The following DEPDC4 variants were observed in gnomAD, a reference collection of about 807,000 sequenced individuals.
DEPDC4 encodes DEP domain containing 4.
Under a neutral mutation model 52.0 loss-of-function variants are expected in DEPDC4, and 52 were observed. The observed-to-expected ratio is 1.00, with a 90% CI of 0.80 to 1.26. DEPDC4 has a LOEUF of 1.26. Ranked by LOEUF, DEPDC4 falls within the 50% of genes most tolerant of loss-of-function variation. The probability of loss-of-function intolerance (pLI) is 0.00; values close to 1 mark genes in which losing one functional copy is unlikely to be tolerated. For synonymous variants in DEPDC4, 201 were observed against 196.8 expected (o/e 1.02, Z -0.18); for missense variants, 530 against 546.9 (o/e 0.97, Z 0.31).
In DEPDC4 at chr12:100,253,703, C is replaced by A. The variant is rs1360924616; in HGVS notation, c.891G>T (p.Trp297Cys). The change falls in exon 5 of 10, where the codon TGG (tryptophan) becomes TGT (cysteine). Residue 297 changes from tryptophan (W) to cysteine (C), a missense_variant. Transcript: ENST00000550587. The stretch of plus-strand genomic sequence containing the variant: ...CCAAGCATTCAATTGCTGCATTAAG[C>A]CAGTTATCGATTCTAGAGGGAAAAT... ...PSLCLPEIDN[W>C]LNAAIECLEY... 7.8e-7 allele frequency: 1 copy of A among 1,288,106 alleles called. No homozygotes were observed. Among genetic ancestry groups the A allele is most frequent in the African/African-American group, 1.5e-5 (1 of 65,804 alleles). 79.8% of individuals were successfully genotyped at this position (1,288,106 alleles called of 1,614,324 possible). A position where few individuals can be genotyped will look rare whatever the true frequency, so the allele number is the denominator to read the frequency against.
chr12:100,248,217 A>C (rs982881374), intron 8 of DEPDC4, among the ~76,000 whole-genome samples: 6 of 152,228 alleles, frequency 3.9e-5, no homozygotes, highest in Admixed American at 3.3e-4. Context: ...TAATAGCATA[A>C]ATATTAAATA....
the DEPDC4 span, among the ~76,000 whole-genome samples, chr12:100,276,007 C>A: frequency 6.6e-6 from 1 of 151,978 alleles, no homozygotes; most frequent in African/African-American, 2.4e-5. Context: ...ACATTGCATT[C>A]CTGAAGTGAA....
At chr12:100,251,491 T>C (rs895633083) in intron 7 of DEPDC4, among the ~76,000 whole-genome samples, 1 of 151,868 alleles carries the variant, frequency 6.6e-6, no homozygotes, top group Non-Finnish European at 1.5e-5. Context: ...TACTGCAGCC[T>C]CAATCTCATG....
intron 3 of DEPDC4, among the ~76,000 whole-genome samples, chr12:100,259,088 A>G (rs1170779130): frequency 2.0e-5 from 3 of 151,098 alleles, no homozygotes; most frequent in Non-Finnish European, 4.4e-5. Flanking sequence ...AAAAATATAT[A>G]TATATATCCC....
rs1289506867 is a variant in DEPDC4 at position 100,262,301 on chromosome 12, G to C, written c.663C>G (p.Ile221Met). The C allele has an allele frequency of 7.4e-6, 12 of 1,611,582 alleles. No individual in the cohort carries two copies. Among genetic ancestry groups the C allele is most frequent in the Non-Finnish European group, 1.0e-5 (12 of 1,179,490 alleles). Residue 221 changes from isoleucine (I) to methionine (M), a missense_variant, in exon 3 of 10, where the codon ATC becomes ATG. Coordinates refer to ENST00000550587, the MANE Select transcript of DEPDC4 (RefSeq NM_001364818.2). ...GCCGGAGAAAAGGTTTCTGAACTGT[G>C]ATATTTGGACATAAAGCTGGATTCC... ...INGNPALCPN[I>M]TVQKPFLRLS... is the part of the protein sequence containing the mutation.
At chr12:100,237,978 C>A (rs1489242036), downstream of DEPDC4, 1 of 659,998 alleles carries the variant, frequency 1.5e-6, no homozygotes, top group Admixed American at 6.3e-5. Flanking sequence ...CTGATTCACA[C>A]TGAACATTAA....
In DEPDC4 at chr12:100,240,881, T is replaced by C. The variant is rs763948396; in HGVS notation, c.*1011A>G. Reference sequence around the variant, plus strand: ...TAGCCTGGCCAACATGGCGAAACACTGTCTCTACTAAAACTACAAAAATTA... The same window carrying C: ...TAGCCTGGCCAACATGGCGAAACACCGTCTCTACTAAAACTACAAAAATTA... On this transcript the variant is annotated 3_prime_UTR_variant, in exon 10 of 10. Coordinates refer to ENST00000550587, the MANE Select transcript of DEPDC4 (RefSeq NM_001364818.2). Among the ~76,000 whole-genome samples the C allele has an allele frequency of 6.6e-6, 1 of 152,052 alleles. No homozygotes were observed. Among genetic ancestry groups the C allele is most frequent in the Non-Finnish European group, 1.5e-5 (1 of 68,016 alleles).
At chr12:100,276,770 C>G in the DEPDC4 span, among the ~76,000 whole-genome samples, 2 of 151,830 alleles carry the variant, frequency 1.3e-5, no homozygotes, top group African/African-American at 4.8e-5. Context: ...TAAATTCAGT[C>G]TCTTTCATTG....
In DEPDC4 at chr12:100,254,325, T is replaced by C. The variant is rs1420811725; in HGVS notation, c.879-610A>G. ...GTATGTCCCTTTTTTTTGACTTTTT[T>C]TTTTTTTTTTTTTTTTTTGAGGCAG... is the stretch of plus-strand genomic sequence containing the variant. On this transcript the variant is annotated intron_variant, in intron 4 of 9. Transcript: ENST00000550587. Among the ~76,000 whole-genome samples the C allele has an allele frequency of 2.1e-5, 3 of 143,762 alleles. 1 individual carries two copies. Among genetic ancestry groups the C allele is most frequent in the Non-Finnish European group, 4.6e-5 (3 of 65,714 alleles). 94.3% of individuals were successfully genotyped at this position (143,762 alleles called of 152,430 possible).
chr12:100,237,715 A>AT (rs1160432192), downstream of DEPDC4: 2 of 152,060 alleles, frequency 1.3e-5, no homozygotes, highest in African/African-American at 4.8e-5. Flanking sequence ...ATCTTAAAAA[A>AT]TTTTTTTTAA....
the DEPDC4 span, among the ~76,000 whole-genome samples, chr12:100,279,119 T>C: frequency 6.6e-6 from 1 of 152,210 alleles, no homozygotes; most frequent in Non-Finnish European, 1.5e-5. Context: ...CCAACCTTTT[T>C]GGCACCAGGG....
In DEPDC4 at chr12:100,254,319, CTTTTTTTTTTTT is replaced by C. The variant is rs67921438; in HGVS notation, c.879-616_879-605del. 3.4e-5 allele frequency among the ~76,000 whole-genome samples: 3 copies of C among 89,436 alleles called. No individual in the cohort carries two copies. In the South Asian group the frequency reaches 1.1e-3, roughly 31 times the overall value. 58.7% of individuals were successfully genotyped at this position (89,436 alleles called of 152,430 possible). A position where few individuals can be genotyped will look rare whatever the true frequency, so the allele number is the denominator to read the frequency against. On this transcript the variant is annotated intron_variant, in intron 4 of 9. Coordinates refer to ENST00000550587, the MANE Select transcript of DEPDC4 (RefSeq NM_001364818.2). ...TTAATGGTATGTCCCTTTTTTTTGA[CTTTTTTTTTTTT>C]TTTTTTTTTTTTGAGGCAGCATCTT...
Position 100,256,193 on chromosome 12 carries a change from A to G in DEPDC4, c.734T>C (p.Leu245Pro), listed in dbSNP as rs759306683. The G allele has an allele frequency of 6.2e-7, 1 of 1,612,870 alleles. No homozygotes were observed. Among genetic ancestry groups the G allele is most frequent in the Non-Finnish European group, 8.5e-7 (1 of 1,179,206 alleles). ...VWKEQTLLCL[L>P]QLIHLPFLDN... ...CAAGAATGGAAGGTGAATCAATTGA[A>G]GAAGACATAATAATGTTTGTTCTTT... Residue 245 changes from leucine to proline, a missense_variant, in exon 4 of 10, where the codon CTT becomes CCT. Physicochemically the swap from Leu to Pro is moderately conservative, Grantham distance 98 (BLOSUM62 -3). Transcript: ENST00000550587.
At chr12:100,262,940 G>T (rs532788091) in intron 2 of DEPDC4, among the ~76,000 whole-genome samples, 1 of 152,172 alleles carries the variant, frequency 6.6e-6, no homozygotes, top group Non-Finnish European at 1.5e-5. Flanking sequence ...AAACTACTGA[G>T]ATATAATTCA....
intron 5 of DEPDC4, among the ~76,000 whole-genome samples, chr12:100,252,744 G>A (rs1362021315): frequency 6.6e-6 from 1 of 152,136 alleles, no homozygotes; most frequent in Non-Finnish European, 1.5e-5. Context: ...GCTATATCCA[G>A]CATTATCAAA....
chr12:100,274,595 A>T, the DEPDC4 span, among the ~76,000 whole-genome samples: 2 of 152,202 alleles, frequency 1.3e-5, no homozygotes, highest in African/African-American at 4.8e-5. Context: ...TTCTCATAGA[A>T]TTAAATCTAC....
chr12:100,260,905 C>T (rs900001165), intron 3 of DEPDC4, among the ~76,000 whole-genome samples: 3 of 138,610 alleles, frequency 2.2e-5, no homozygotes, highest in Non-Finnish European at 3.1e-5. Context: ...CAATGGCCAG[C>T]CAAGGAGGCT....
chr12:100,236,937 G>C (rs1315351439), downstream of DEPDC4, among the ~76,000 whole-genome samples: 1 of 152,022 alleles, frequency 6.6e-6, no homozygotes, highest in Non-Finnish European at 1.5e-5. Flanking sequence ...TGTTGAAGAG[G>C]GTGTCCTTTC....
the DEPDC4 span, among the ~76,000 whole-genome samples, chr12:100,272,814 C>T: frequency 1.6e-4 from 24 of 152,190 alleles, 1 homozygote; most frequent in Middle Eastern, 6.8e-3. Flanking sequence ...AATTCAGCAA[C>T]GCTTCTCCCT....
Sources: gnomAD v4.1 joint callset for allele counts (sites outside exome capture counted in the v4.1 genomes callset) on GRCh38, gnomAD v4.1.1 for gene constraint, MANE v1.5 for transcripts, NCBI Gene and HGNC (gene_info 2026-07-23, HGNC 2026-07-21) for gene names.